SVIL: variants seen among roughly 807,000 people sequenced by gnomAD.
SVIL encodes the protein supervillin, also known as archvillin.
Under a neutral mutation model 240.4 loss-of-function variants are expected in SVIL, and 101 were observed. That is an observed-to-expected ratio of 0.42 (90% confidence interval 0.36 to 0.50). The LOEUF is 0.50. SVIL is among the 20% of genes least tolerant of loss of function. The pLI, the probability that SVIL is intolerant of heterozygous loss-of-function variation, is 0.01. For synonymous variants in SVIL, 999 were observed against 1,100.0 expected (o/e 0.91, Z 1.82); for missense variants, 2,512 against 2,818.7 (o/e 0.89, Z 2.46).
intron 1 of SVIL, among the ~76,000 whole-genome samples, chr10:29,732,752 C>T (rs765753184): frequency 6.6e-6 from 1 of 152,216 alleles, no homozygotes; most frequent in Non-Finnish European, 1.5e-5. Flanking sequence ...TAGGCCAGCA[C>T]CATTTTCACA....
chr10:29,714,246 A>G (rs1237067130), intron 1 of SVIL, among the ~76,000 whole-genome samples: 2 of 152,230 alleles, frequency 1.3e-5, no homozygotes, highest in East Asian at 1.9e-4. Flanking sequence ...AGCTATCCTG[A>G]GTCATCTCCA....
At chr10:29,504,124 G>A (rs1949096394) in intron 17 of SVIL, among the ~76,000 whole-genome samples, 1 of 152,024 alleles carries the variant, frequency 6.6e-6, no homozygotes, top group South Asian at 2.1e-4. Context: ...AACGATGCTG[G>A]AATAAGTGGA....
At chr10:29,581,021 A>G (rs1955922789) in intron 1 of SVIL, among the ~76,000 whole-genome samples, 1 of 152,244 alleles carries the variant, frequency 6.6e-6, no homozygotes, top group Admixed American at 6.5e-5. Flanking sequence ...ACATACTGAC[A>G]TGACTTATCA....
intron 17 of SVIL, among the ~76,000 whole-genome samples, chr10:29,502,904 C>A (rs960101747): frequency 1.3e-5 from 2 of 152,118 alleles, no homozygotes; most frequent in African/African-American, 4.8e-5. Context: ...GTTTCTCACG[C>A]AGGGATGTGA....
intron 6 of SVIL, among the ~76,000 whole-genome samples, chr10:29,545,676 GA>G (rs1331436205): frequency 2.0e-5 from 3 of 151,904 alleles, no homozygotes; most frequent in African/African-American, 7.2e-5. Context: ...CCAACATGGT[GA>G]AACTCCGTCT....
intron 2 of SVIL, among the ~76,000 whole-genome samples, chr10:29,664,019 T>TTCCCCATCCC (rs1959188147): frequency 6.6e-6 from 1 of 152,234 alleles, no homozygotes; most frequent in Non-Finnish European, 1.5e-5. Flanking sequence ...ACGGGACACG[T>TTCCCCATCCC]TCCCCATTTG....
At chr10:29,567,069 CTT>C (rs1955033156) in intron 2 of SVIL, among the ~76,000 whole-genome samples, 1 of 152,184 alleles carries the variant, frequency 6.6e-6, no homozygotes, top group East Asian at 1.9e-4. Flanking sequence ...TTCCAACTCT[CTT>C]TGTCTCCCCT....
intron 1 of SVIL, among the ~76,000 whole-genome samples, chr10:29,701,934 G>T (rs547804939): frequency 6.6e-6 from 1 of 152,244 alleles, no homozygotes; most frequent in African/African-American, 2.4e-5. Flanking sequence ...AGCACTTTGG[G>T]AGGCCGAGGC....
At chr10:29,679,574 G>T (rs1490325874) in intron 2 of SVIL, among the ~76,000 whole-genome samples, 2 of 104,294 alleles carry the variant, frequency 1.9e-5, no homozygotes, top group Non-Finnish European at 4.3e-5. Context: ...TTTTTTTTGA[G>T]ATGGGGGTCC....
intron 1 of SVIL, among the ~76,000 whole-genome samples, chr10:29,706,165 G>A (rs1306049769): frequency 2.0e-5 from 3 of 152,122 alleles, no homozygotes; most frequent in Non-Finnish European, 4.4e-5. Context: ...ATTCCTTGGG[G>A]TATATATTCA....
chr10:29,603,047 A>C (rs1044922510), intron 1 of SVIL, among the ~76,000 whole-genome samples: 4 of 152,066 alleles, frequency 2.6e-5, no homozygotes, highest in African/African-American at 7.2e-5. Context: ...CAGGAAGATG[A>C]TAATGAAGGA....
intron 17 of SVIL, among the ~76,000 whole-genome samples, chr10:29,509,366 A>AGAGAGAGAGAG: frequency 7.2e-6 from 1 of 139,138 alleles, no homozygotes; most frequent in African/African-American, 2.7e-5. Flanking sequence ...AGAGAGAGAG[A>AGAGAGAGAGAG]GAGAGAGAGA....
intron 1 of SVIL, among the ~76,000 whole-genome samples, chr10:29,711,452 G>A (rs1210512476): frequency 6.6e-6 from 1 of 150,724 alleles, no homozygotes; most frequent in Non-Finnish European, 1.5e-5. Context: ...AAAAGCAGGA[G>A]AGACATGGTT....
chr10:29,638,343 G>A (rs1958377761), upstream of SVIL, among the ~76,000 whole-genome samples: 1 of 151,982 alleles, frequency 6.6e-6, no homozygotes, highest in Admixed American at 6.6e-5. Context: ...GCATGTGCCT[G>A]TAATCCCAGC....
chr10:29,470,268 A>G lies in SVIL; in HGVS notation c.5843+8T>C, dbSNP rs1009186508. The G allele has an allele frequency of 2.5e-6, 4 of 1,614,130 alleles. No individual in the cohort carries two copies. Among genetic ancestry groups the G allele is most frequent in the Non-Finnish European group, 2.5e-6 (3 of 1,180,020 alleles). Reference sequence around the variant, plus strand: ...TGTGGGGGGACTCGCCGCAGACACAACACTCACTGTTCCTTGATCTTGTTC... The same window carrying G: ...TGTGGGGGGACTCGCCGCAGACACAGCACTCACTGTTCCTTGATCTTGTTC... On this transcript the variant is annotated splice_region_variant and intron_variant, in intron 32 of 37. Coordinates refer to ENST00000355867, the MANE Select transcript of SVIL (RefSeq NM_021738.3).
At chr10:29,460,107 C>T (rs186834719) in intron 36 of SVIL, among the ~76,000 whole-genome samples, 4 of 152,094 alleles carry the variant, frequency 2.6e-5, no homozygotes, top group South Asian at 2.1e-4. Flanking sequence ...AAAGAAGAGG[C>T]GAATTTTGGA....
intron 3 of SVIL, among the ~76,000 whole-genome samples, chr10:29,648,696 A>G (rs1958743796): frequency 6.6e-6 from 1 of 152,214 alleles, no homozygotes; most frequent in African/African-American, 2.4e-5. Context: ...AAAGCCCTGC[A>G]GCCAAGATAA....
chr10:29,626,065 G>C (rs1251455267), intron 1 of SVIL, among the ~76,000 whole-genome samples: 4 of 152,138 alleles, frequency 2.6e-5, no homozygotes, highest in South Asian at 4.1e-4. Context: ...GAAAGACATT[G>C]GTCAAAGGAT....
rs202162042 is a variant in SVIL, at chr10:29,490,597, A to T, written c.4192+250T>A. Among the ~76,000 whole-genome samples, 8 of 150,462 alleles carry T rather than the reference A, an allele frequency of 5.3e-5. No homozygotes were observed. In the East Asian group the frequency reaches 1.4e-3, roughly 25 times the overall value. ...AACCCCCAGTCTTTAAAAAAAAAAAAAAAAAACCAAACCCCAGTATAATCT... is the reference window on the plus strand; with the variant it reads ...AACCCCCAGTCTTTAAAAAAAAAAATAAAAAACCAAACCCCAGTATAATCT... On this transcript the variant is annotated intron_variant, in intron 22 of 37. Transcript: ENST00000355867.
Sources: gnomAD v4.1 joint callset for allele counts (sites outside exome capture counted in the v4.1 genomes callset) on GRCh38, gnomAD v4.1.1 for gene constraint, MANE v1.5 for transcripts, NCBI Gene and HGNC (gene_info 2026-07-23, HGNC 2026-07-21) for gene names.